Variants in TDP1 observed in about 807,000 individuals in gnomAD.
TDP1 encodes tyr-DNA phosphodiesterase 1.
A neutral mutation model predicts 81.5 loss-of-function variants in TDP1; 64 were observed. That is an observed-to-expected ratio of 0.79 (90% CI 0.64 to 0.97). The LOEUF (loss-of-function observed/expected upper bound fraction) is 0.97. Ranked by LOEUF, TDP1 falls within the 50% of genes least tolerant of loss-of-function variation. TDP1 has a pLI of 0.00. For missense variants in TDP1, 723 were observed against 743.8 expected (o/e 0.97, Z 0.33); for synonymous variants, 256 against 264.3 (o/e 0.97, Z 0.30).
Position 89,993,493 on chromosome 14 carries a change from C to G in TDP1, c.1541+10C>G, listed in dbSNP as rs1449201846. ...GGTTCCTTGTCACAAGGTAAATAGTCCTTACATTCCTGATGGGAGAAATCT... is the reference window on the plus strand; with the variant it reads ...GGTTCCTTGTCACAAGGTAAATAGTGCTTACATTCCTGATGGGAGAAATCT... On this transcript the variant is annotated intron_variant, in intron 14 of 16. Coordinates refer to ENST00000335725, the MANE Select transcript of TDP1 (RefSeq NM_018319.4). 2 of 1,610,496 alleles carry G rather than the reference C, an allele frequency of 1.2e-6. No homozygotes were observed. Among genetic ancestry groups the G allele is most frequent in the Non-Finnish European group, 1.7e-6 (2 of 1,177,256 alleles).
At chr14:90,042,925 A>AG in intron 16 of TDP1, 145 bp from the exon 17 acceptor site, 1 of 1,537,534 alleles carries the variant, frequency 6.5e-7, no homozygotes, top group Non-Finnish European at 8.7e-7. Flanking sequence ...TGTTGTCTGA[A>AG]GGGGGAGAAT....
intron 15 of TDP1, 85 bp downstream of exon 15, chr14:90,019,503 G>A: frequency 2.5e-6 from 2 of 788,498 alleles, no homozygotes; most frequent in South Asian, 2.9e-5. Flanking sequence ...ACAACAGCTT[G>A]CCTAAGGTAG....
intron 14 of TDP1, among the ~76,000 whole-genome samples, chr14:90,004,375 G>C (rs1338726163): frequency 6.6e-6 from 1 of 152,178 alleles, no homozygotes; most frequent in African/African-American, 2.4e-5. Flanking sequence ...TCCAAAGAAA[G>C]CCTCTCACAA....
At chr14:89,969,632 G>GTGC (rs1189204642) in intron 5 of TDP1, among the ~76,000 whole-genome samples, 1 of 152,038 alleles carries the variant, frequency 6.6e-6, no homozygotes, top group Non-Finnish European at 1.5e-5. Flanking sequence ...AAAATCACAG[G>GTGC]TGCGTGTTTC....
chr14:89,963,479 G>T lies in TDP1; in HGVS notation c.365G>T (p.Gly122Val), dbSNP rs1033942034. ...AAAGACATCTCTGCTCCCAATGACG[G>T]CACTGCCCAAAGAACTGAAAATCAT... ...KEKDISAPND[G>V]TAQRTENHGA... The change falls in exon 3 of 17, where the codon GGC (glycine) becomes GTC (valine). Residue 122 changes from glycine to valine, a missense_variant. Gly to Val is a moderately radical substitution (Grantham distance 109). Transcript: ENST00000335725. 22 of 1,608,902 alleles carry T rather than the reference G, an allele frequency of 1.4e-5. No individual in the cohort carries two copies. Among genetic ancestry groups the T allele is most frequent in the Non-Finnish European group, 1.9e-5 (22 of 1,177,126 alleles).
At chr14:89,975,075 G>A (rs774200214) in intron 6 of TDP1, among the ~76,000 whole-genome samples, 1 of 152,144 alleles carries the variant, frequency 6.6e-6, no homozygotes, top group Non-Finnish European at 1.5e-5. Flanking sequence ...CACTTTCAGT[G>A]TTTCTTTTTT....
chr14:90,028,064 C>T (rs1488264176), intron 15 of TDP1, among the ~76,000 whole-genome samples: 1 of 152,186 alleles, frequency 6.6e-6, no homozygotes, highest in African/African-American at 2.4e-5. Context: ...ACAAACAGCC[C>T]TTTGCTTATC....
chr14:89,972,573 G>T (rs1336045558), intron 6 of TDP1, among the ~76,000 whole-genome samples: 1 of 152,178 alleles, frequency 6.6e-6, no homozygotes, highest in Non-Finnish European at 1.5e-5. Flanking sequence ...GTGAGTCTTG[G>T]ACTTTCATTA....
At chr14:89,994,171 A>T (rs1011962714) in intron 14 of TDP1, among the ~76,000 whole-genome samples, 3 of 152,258 alleles carry the variant, frequency 2.0e-5, no homozygotes, top group African/African-American at 7.2e-5. Flanking sequence ...ATTAATGTCA[A>T]TAGCAACTAA....
intron 14 of TDP1, among the ~76,000 whole-genome samples, chr14:90,017,197 A>G (rs999801303): frequency 5.3e-5 from 8 of 151,826 alleles, no homozygotes; most frequent in Non-Finnish European, 1.0e-4. Context: ...TTTGCTGTAC[A>G]TGACGGGCGT....
intron 15 of TDP1, among the ~76,000 whole-genome samples, chr14:90,020,470 T>G (rs1810926008): frequency 1.8e-5 from 2 of 108,328 alleles, no homozygotes; most frequent in Non-Finnish European, 3.6e-5. Context: ...GGCTAATGCT[T>G]TTTCCTTCCC....
intron 2 of TDP1, among the ~76,000 whole-genome samples, chr14:89,961,720 C>T (rs1048824076): frequency 2.0e-5 from 3 of 152,094 alleles, no homozygotes; most frequent in Admixed American, 2.0e-4. Context: ...TAGTTCTCAT[C>T]TAGAGACATA....
chr14:89,964,823 T>A, intron 3 of TDP1: 1 of 432,954 alleles, frequency 2.3e-6, no homozygotes, highest in South Asian at 1.7e-5. Context: ...TAGGAGCTCT[T>A]ACATATATTT....
At chr14:90,019,214 C>T in intron 14 of TDP1, 102 bp from the exon 15 acceptor site, 1 of 1,294,852 alleles carries the variant, frequency 7.7e-7, no homozygotes. Context: ...AATGTGATTG[C>T]AGCTATATAT....
chr14:89,965,207 A>G (rs568398348), intron 3 of TDP1, among the ~76,000 whole-genome samples: 71 of 152,328 alleles, frequency 4.7e-4, no homozygotes, highest in Non-Finnish European at 9.1e-4. Flanking sequence ...CTACCCCAGC[A>G]TCTAGCTCAA....
intron 15 of TDP1, among the ~76,000 whole-genome samples, 164 bp downstream of exon 15, chr14:90,019,582 C>G (rs560095236): frequency 1.4e-4 from 21 of 152,322 alleles, no homozygotes; most frequent in African/African-American, 5.1e-4. Flanking sequence ...TCTGAGCTTA[C>G]TGAACACTCA....
chr14:89,985,448 A>T (rs1007429574), intron 10 of TDP1, among the ~76,000 whole-genome samples: 20 of 152,152 alleles, frequency 1.3e-4, no homozygotes, highest in African/African-American at 4.8e-4. Flanking sequence ...TAGTTTTTAT[A>T]TTGTAATAAA....
At chr14:89,991,623 A>G (rs1007172397) in intron 12 of TDP1, 9 of 985,134 alleles carry the variant, frequency 9.1e-6, no homozygotes, top group Non-Finnish European at 1.1e-5. Flanking sequence ...CCTTATTTAA[A>G]GGCATCCCAT....
At chr14:90,033,717 G>T (rs1363176346) in intron 16 of TDP1, 1 of 167,528 alleles carries the variant, frequency 6.0e-6, no homozygotes, top group Non-Finnish European at 1.3e-5. Flanking sequence ...AGGTCATTAA[G>T]TCTAACTATT....
Sources: gnomAD v4.1 joint callset for allele counts (sites outside exome capture counted in the v4.1 genomes callset) on GRCh38, gnomAD v4.1.1 for gene constraint, MANE v1.5 for transcripts, NCBI Gene and HGNC (gene_info 2026-07-23, HGNC 2026-07-21) for gene names.